Variants in SLC4A4 observed in about 807,000 individuals in gnomAD.
SLC4A4 encodes the protein electrogenic sodium bicarbonate cotransporter 1.
In SLC4A4, 27 loss-of-function variants were observed where a neutral mutation model predicts 111.5. That is an observed-to-expected ratio of 0.24 (90% CI 0.18 to 0.33). The LOEUF (loss-of-function observed/expected upper bound fraction) is 0.33, where lower values mean the gene tolerates loss of function less well. SLC4A4 is among the 10% of genes least tolerant of loss of function. SLC4A4 has a pLI of 1.00. For synonymous variants in SLC4A4, 443 were observed against 463.4 expected (o/e 0.96, Z 0.57); for missense variants, 909 against 1,315.5 (o/e 0.69, Z 4.78).
At chr4:71,349,719 G>A (rs1005552145) in intron 4 of SLC4A4, among the ~76,000 whole-genome samples, 193 bp from the exon 5 acceptor site, 3 of 152,146 alleles carry the variant, frequency 2.0e-5, no homozygotes, top group Non-Finnish European at 4.4e-5. Flanking sequence ...TTCAGGGGAA[G>A]GAGCAGTCTA....
intron 1 of SLC4A4, among the ~76,000 whole-genome samples, chr4:71,223,103 A>T (rs1463477194): frequency 6.6e-6 from 1 of 151,976 alleles, no homozygotes; most frequent in African/African-American, 2.4e-5. Flanking sequence ...CTACTCTTTC[A>T]CTAAAGGTCT....
At chr4:71,071,936 C>A (rs953656613) in intron 1 of SLC4A4, among the ~76,000 whole-genome samples, 1 of 152,122 alleles carries the variant, frequency 6.6e-6, no homozygotes, top group Admixed American at 6.6e-5. Context: ...AAGGCATGTA[C>A]ACTTGAAAAT....
At chr4:71,563,198 T>C (rs2149256418) in intron 23 of SLC4A4, among the ~76,000 whole-genome samples, 1 of 151,950 alleles carries the variant, frequency 6.6e-6, no homozygotes, top group South Asian at 2.1e-4. Flanking sequence ...TTTTCTTATG[T>C]TTTGCTTACA....
chr4:71,180,493 A>G (rs1369420694), intron 2 of SLC4A4, among the ~76,000 whole-genome samples: 2 of 152,364 alleles, frequency 1.3e-5, no homozygotes, highest in East Asian at 3.9e-4. Context: ...TTGAACTCCA[A>G]CAAATTTACA....
At chr4:71,131,560 T>C (rs1339981306) in intron 2 of SLC4A4, among the ~76,000 whole-genome samples, 1 of 152,182 alleles carries the variant, frequency 6.6e-6, no homozygotes, top group Non-Finnish European at 1.5e-5. Flanking sequence ...GGAATTACTA[T>C]GTGGAAGTAT....
intron 1 of SLC4A4, among the ~76,000 whole-genome samples, chr4:71,205,411 G>C (rs1212291577): frequency 6.6e-6 from 1 of 151,978 alleles, no homozygotes; most frequent in African/African-American, 2.4e-5. Flanking sequence ...AGGAGGTAAG[G>C]CCCCCCCATC....
chr4:71,543,007 A>G (rs1487184372), intron 18 of SLC4A4, among the ~76,000 whole-genome samples: 2 of 152,062 alleles, frequency 1.3e-5, no homozygotes, highest in African/African-American at 4.8e-5. Context: ...TCCTCATGGA[A>G]CTGTGAGAGA....
intron 2 of SLC4A4, among the ~76,000 whole-genome samples, chr4:71,165,263 T>C (rs983041940): frequency 3.1e-4 from 47 of 152,252 alleles, no homozygotes; most frequent in African/African-American, 8.4e-4. Context: ...CGTATGTTTA[T>C]TGCAGCACTG....
At chr4:71,179,008 G>A (rs1745193564) in intron 2 of SLC4A4, among the ~76,000 whole-genome samples, 1 of 152,192 alleles carries the variant, frequency 6.6e-6, no homozygotes, top group African/African-American at 2.4e-5. Flanking sequence ...TGTCCACCAT[G>A]ATCAAGTGGG....
intron 6 of SLC4A4, among the ~76,000 whole-genome samples, chr4:71,396,098 TAC>T: frequency 6.6e-6 from 1 of 152,204 alleles, no homozygotes; most frequent in African/African-American, 2.4e-5. Context: ...AGAAATCTAA[TAC>T]CTGGCTCAAA....
At chr4:71,315,405 G>A (rs1239822949) in intron 3 of SLC4A4, among the ~76,000 whole-genome samples, 2 of 152,130 alleles carry the variant, frequency 1.3e-5, no homozygotes, top group Non-Finnish European at 2.9e-5. Flanking sequence ...AGTGATTACA[G>A]TTTTTAATCA....
chr4:71,547,208 G>A (rs1489460263), intron 19 of SLC4A4, among the ~76,000 whole-genome samples: 1 of 151,942 alleles, frequency 6.6e-6, no homozygotes, highest in South Asian at 2.1e-4. Context: ...GTGATTTATT[G>A]TGCTAATGAA....
At chr4:71,129,855 A>G (rs1160340209) in intron 2 of SLC4A4, among the ~76,000 whole-genome samples, 1 of 150,860 alleles carries the variant, frequency 6.6e-6, no homozygotes, top group Non-Finnish European at 1.5e-5. Context: ...GCTGGAGGTC[A>G]TTATCCTAAG....
At chr4:71,345,913 T>C (rs1264010785) in intron 4 of SLC4A4, among the ~76,000 whole-genome samples, 1 of 152,084 alleles carries the variant, frequency 6.6e-6, no homozygotes. Flanking sequence ...AAAAACCTCA[T>C]TTTTCCCAGG....
chr4:71,261,911 AGGG>A (rs1721885241), intron 3 of SLC4A4, among the ~76,000 whole-genome samples: 1 of 152,160 alleles, frequency 6.6e-6, no homozygotes, highest in South Asian at 2.1e-4. Context: ...TGGGGTGCTC[AGGG>A]CTAAAAAGAG....
At chr4:71,156,276 T>A (rs562193746) in intron 2 of SLC4A4, among the ~76,000 whole-genome samples, 1 of 152,250 alleles carries the variant, frequency 6.6e-6, no homozygotes, top group African/African-American at 2.4e-5. Flanking sequence ...GGTTTTTTGA[T>A]ACCTGATCAC....
intron 5 of SLC4A4, among the ~76,000 whole-genome samples, chr4:71,352,548 T>C (rs1243183125): frequency 6.6e-6 from 1 of 152,180 alleles, no homozygotes; most frequent in Non-Finnish European, 1.5e-5. Context: ...GATTTAATGT[T>C]GGGGAGTTTT....
At chr4:71,353,591 C>T (rs938123685) in intron 5 of SLC4A4, among the ~76,000 whole-genome samples, 4 of 152,062 alleles carry the variant, frequency 2.6e-5, no homozygotes, top group Non-Finnish European at 4.4e-5. Context: ...AAGTTATAGT[C>T]GTTATTTGTT....
intron 20 of SLC4A4, among the ~76,000 whole-genome samples, chr4:71,550,194 C>A (rs1293851265): frequency 6.6e-6 from 1 of 151,966 alleles, no homozygotes; most frequent in African/African-American, 2.4e-5. Context: ...TAGTTTATAG[C>A]ATACTGTACA....
Sources: gnomAD v4.1 joint callset for allele counts (sites outside exome capture counted in the v4.1 genomes callset) on GRCh38, gnomAD v4.1.1 for gene constraint, MANE v1.5 for transcripts, NCBI Gene and HGNC (gene_info 2026-07-23, HGNC 2026-07-21) for gene names.